The following OPRM1 variants were observed in gnomAD, a reference collection of about 807,000 sequenced individuals.
OPRM1 encodes the protein mu-type opioid receptor.
Under a neutral mutation model 31.8 loss-of-function variants are expected in OPRM1, and 27 were observed. The ratio of observed to expected loss-of-function variants is 0.85; its 90% CI spans 0.63 to 1.17. The LOEUF (loss-of-function observed/expected upper bound fraction) is 1.17, where lower values mean the gene tolerates loss of function less well. Ranked by LOEUF, OPRM1 falls within the 50% of genes most tolerant of loss-of-function variation. OPRM1 has a pLI of 0.00. For synonymous variants in OPRM1, 196 were observed against 189.9 expected (o/e 1.03, Z -0.26); for missense variants, 536 against 511.1 (o/e 1.05, Z -0.47).
chr6:154,087,204 G>A, intron 1 of OPRM1: 3 of 985,404 alleles, frequency 3.0e-6, no homozygotes, highest in South Asian at 4.7e-5. Flanking sequence ...TTGCAGACCA[G>A]ATCAGGTATC....
intron 1 of OPRM1, among the ~76,000 whole-genome samples, chr6:154,027,397 C>A (rs1204195011): frequency 1.3e-5 from 2 of 152,206 alleles, no homozygotes; most frequent in Non-Finnish European, 1.5e-5. Context: ...CTTGAGACCA[C>A]CACTACTAGG....
intron 1 of OPRM1, among the ~76,000 whole-genome samples, chr6:154,016,217 C>G (rs1035323646): frequency 1.3e-5 from 2 of 152,094 alleles, no homozygotes; most frequent in African/African-American, 4.8e-5. Flanking sequence ...TAATAAGGCA[C>G]TGGTTGAATA....
chr6:154,219,172 A>G (rs790262), intron 3 of OPRM1: 80,157 of 152,020 alleles, frequency 0.53, 22,038 homozygotes, highest in African/African-American at 0.67. Context: ...ATGAAATACA[A>G]CGGATTCAGA....
intron 1 of OPRM1, 90 bp from the exon 2 acceptor site, chr6:154,089,736 C>A: frequency 1.1e-6 from 1 of 889,814 alleles, no homozygotes; most frequent in Non-Finnish European, 1.7e-6. Flanking sequence ...AAGCTTTCTA[C>A]TAATTCATGC....
intron 3 of OPRM1, among the ~76,000 whole-genome samples, chr6:154,211,831 A>G (rs1355935756): frequency 6.6e-6 from 1 of 152,240 alleles, no homozygotes; most frequent in African/African-American, 2.4e-5. Context: ...TAGAGCTGAC[A>G]AAGGACTAAC....
Position 154,091,377 on chromosome 6 carries a change from T to C in OPRM1, c.1069T>C (p.Ser357Pro). 1 of 1,614,162 alleles carries C rather than the reference T, an allele frequency of 6.2e-7. No individual in the cohort carries two copies. Among genetic ancestry groups the C allele is most frequent in the Non-Finnish European group, 8.5e-7 (1 of 1,180,038 alleles). ...CTTCAGAGAGTTCTGTATCCCAACC[T>C]CTTCCAACATTGAGCAACAAAACTC... is the stretch of plus-strand genomic sequence containing the variant. ...RCFREFCIPT[S>P]SNIEQQNSTR... The change falls in exon 3 of 4, where the codon TCT (serine) becomes CCT (proline). Residue 357 changes from serine (S) to proline (P), a missense_variant. Transcript: ENST00000330432.
Position 154,129,203 on chromosome 6 carries a change from G to A in OPRM1, c.*10482G>A, listed in dbSNP as rs1269757440. On this transcript the variant is annotated 3_prime_UTR_variant, in exon 4 of 4. Coordinates refer to ENST00000330432, the MANE Select transcript of OPRM1 (RefSeq NM_000914.5). ...GGTCGTGATTGATTTGAGCAAGCAA[G>A]GGGTATGTGACAGGGGCTGCATGCA... Among the ~76,000 whole-genome samples the A allele has an allele frequency of 1.3e-5, 2 of 152,204 alleles. No individual in the cohort carries two copies. Among genetic ancestry groups the A allele is most frequent in the East Asian group, 3.8e-4 (2 of 5,202 alleles).
chr6:154,206,152 G>A (rs1231512583), intron 3 of OPRM1, among the ~76,000 whole-genome samples: 1 of 152,082 alleles, frequency 6.6e-6, no homozygotes, highest in East Asian at 1.9e-4. Context: ...TTTATCAAGA[G>A]GGGCAAGTGA....
At chr6:154,142,392 G>A (rs1265459089) in intron 3 of OPRM1, among the ~76,000 whole-genome samples, 1 of 105,306 alleles carries the variant, frequency 9.5e-6, no homozygotes. Flanking sequence ...GGCAAAATGG[G>A]TAGTATGACC....
At chr6:154,197,826 G>T (rs534880592) in intron 3 of OPRM1, among the ~76,000 whole-genome samples, 36 of 152,026 alleles carry the variant, frequency 2.4e-4, no homozygotes, top group South Asian at 1.9e-3. Context: ...CATCCTGGGG[G>T]GTGTGTGTGT....
chr6:154,221,617 T>A (rs1778865571), intron 3 of OPRM1, among the ~76,000 whole-genome samples: 2 of 152,166 alleles, frequency 1.3e-5, no homozygotes, highest in African/African-American at 4.8e-5. Flanking sequence ...CTCACGCCTG[T>A]AATCCTAGCA....
intron 1 of OPRM1, among the ~76,000 whole-genome samples, chr6:154,070,539 A>C (rs1029882111): frequency 5.3e-5 from 8 of 152,240 alleles, no homozygotes; most frequent in African/African-American, 1.9e-4. Flanking sequence ...CTGGCATTCA[A>C]CAAATGTTGG....
At chr6:154,209,146 T>G (rs1224165735) in intron 3 of OPRM1, among the ~76,000 whole-genome samples, 1 of 152,240 alleles carries the variant, frequency 6.6e-6, no homozygotes, top group Admixed American at 6.5e-5. Flanking sequence ...CTGAATTAAA[T>G]ATTTTCAAGA....
chr6:154,075,576 C>G (rs12210523), intron 1 of OPRM1, among the ~76,000 whole-genome samples: 3,366 of 151,984 alleles, frequency 0.022, 59 homozygotes, highest in Non-Finnish European at 0.037. Flanking sequence ...CTCAGCCTCC[C>G]GAAGAGCTGG....
chr6:154,083,102 A>G (rs775433609), intron 1 of OPRM1, among the ~76,000 whole-genome samples: 3 of 152,202 alleles, frequency 2.0e-5, no homozygotes, highest in Non-Finnish European at 4.4e-5. Flanking sequence ...AAAGCATAAT[A>G]CAAAAATGGG....
chr6:154,091,729 CCTTTA>C (rs1184968196), intron 3 of OPRM1: 19 of 1,217,900 alleles, frequency 1.6e-5, no homozygotes, highest in South Asian at 6.2e-5. Context: ...ATTTTTATGG[CCTTTA>C]CTTCTATGCA....
At chr6:154,012,437 C>T (rs1376293225) in intron 1 of OPRM1, among the ~76,000 whole-genome samples, 1 of 151,934 alleles carries the variant, frequency 6.6e-6, no homozygotes, top group Admixed American at 6.6e-5. Flanking sequence ...TTTGTAGTTC[C>T]CACTTTTGGC....
At chr6:154,093,605 T>A in intron 3 of OPRM1, 1 of 1,375,328 alleles carries the variant, frequency 7.3e-7, no homozygotes, top group Non-Finnish European at 9.7e-7. Context: ...TAAAAATACA[T>A]CCAATTAGGC....
chr6:154,146,125 C>T lies in OPRM1; in HGVS notation c.1164+54653C>T, dbSNP rs147768002. Among the ~76,000 whole-genome samples the T allele has an allele frequency of 6.1e-4, 93 of 152,342 alleles. 1 individual carries two copies. The East Asian group carries it at 0.017, about 28-fold the overall frequency. On this transcript the variant is annotated intron_variant, in intron 3 of 3. Coordinates refer to the OPRM1 transcript ENST00000337049. ...AAGTAAAGAAAGAAAGTGGGCCAGACGCAGTGGCTCACGCCTGTAATCCCA... is the reference window on the plus strand; with the variant it reads ...AAGTAAAGAAAGAAAGTGGGCCAGATGCAGTGGCTCACGCCTGTAATCCCA...
Sources: allele counts gnomAD v4.1 joint callset (sites outside exome capture counted in the v4.1 genomes callset), GRCh38; gene constraint gnomAD v4.1.1; transcripts MANE v1.5; gene names NCBI Gene and HGNC (gene_info 2026-07-23, HGNC 2026-07-21).